The following BAIAP2L1 variants were observed in gnomAD, a reference collection of about 807,000 sequenced individuals.
BAIAP2L1 encodes the protein BAR/IMD domain containing adaptor protein 2 like 1.
Under a neutral mutation model 66.3 loss-of-function variants are expected in BAIAP2L1, and 35 were observed. The observed-to-expected ratio is 0.53, with a 90% CI of 0.40 to 0.70. BAIAP2L1 has a LOEUF of 0.70. Among genes scored for constraint, BAIAP2L1 ranks in the 30% least tolerant of loss-of-function variants. The pLI is 0.00. For missense variants in BAIAP2L1, 622 were observed against 656.9 expected (o/e 0.95, Z 0.58); for synonymous variants, 269 against 248.7 (o/e 1.08, Z -0.77).
chr7:98,391,512 G>A (rs946470738), intron 1 of BAIAP2L1, among the ~76,000 whole-genome samples: 5 of 151,674 alleles, frequency 3.3e-5, no homozygotes, highest in Admixed American at 6.6e-5. Context: ...GACAGAGACC[G>A]TCCTGGCTAA....
intron 3 of BAIAP2L1, among the ~76,000 whole-genome samples, chr7:98,347,700 G>A (rs917616863): frequency 2.0e-5 from 3 of 151,996 alleles, no homozygotes; most frequent in African/African-American, 4.8e-5. Flanking sequence ...GTGTGAACCC[G>A]GGAAGCGGAG....
At chr7:98,362,726 A>G (rs1383885211) in intron 1 of BAIAP2L1, among the ~76,000 whole-genome samples, 1 of 152,184 alleles carries the variant, frequency 6.6e-6, no homozygotes, top group Non-Finnish European at 1.5e-5. Flanking sequence ...CATACCCTGC[A>G]GGGACTGTAG....
chr7:98,389,672 C>T (rs1161158784), intron 1 of BAIAP2L1, among the ~76,000 whole-genome samples: 1 of 152,048 alleles, frequency 6.6e-6, no homozygotes, highest in Admixed American at 6.6e-5. Context: ...CACGCTTGTA[C>T]CTCTTCTTGT....
At chr7:98,351,955 C>G (rs762198715) in intron 3 of BAIAP2L1, among the ~76,000 whole-genome samples, 1 of 152,136 alleles carries the variant, frequency 6.6e-6, no homozygotes, top group Non-Finnish European at 1.5e-5. Context: ...GATAACACCC[C>G]TTCGAGTTTT....
rs117552485 is a variant in BAIAP2L1, at chr7:98,319,918, C to T, written c.348+140G>A. On this transcript the variant is annotated intron_variant, in intron 5 of 13. Coordinates refer to ENST00000005260, the MANE Select transcript of BAIAP2L1 (RefSeq NM_018842.5). ...CCCACACAGCCCAAAGAGAGCTTGT[C>T]GGTTTCATGCATCTGGGCATCATCA... 3.2e-4 allele frequency: 233 copies of T among 731,250 alleles called. No homozygotes were observed. The East Asian group carries it at 5.5e-3, about 17-fold the overall frequency. 45.3% of individuals were successfully genotyped at this position (731,250 alleles called of 1,614,324 possible). A position where few individuals can be genotyped will look rare whatever the true frequency, so the allele number is the denominator to read the frequency against.
intron 12 of BAIAP2L1, among the ~76,000 whole-genome samples, chr7:98,298,179 A>C (rs1274631270): frequency 6.6e-6 from 1 of 152,236 alleles, no homozygotes; most frequent in Non-Finnish European, 1.5e-5. Context: ...TCGTCTAATA[A>C]GACGCGCCGT....
At chr7:98,399,060 T>C (rs931646339) in intron 1 of BAIAP2L1, among the ~76,000 whole-genome samples, 1 of 152,204 alleles carries the variant, frequency 6.6e-6, no homozygotes, top group African/African-American at 2.4e-5. Context: ...AAGAACGTTT[T>C]ATTTACACAC....
At chr7:98,382,345 T>C (rs1321028108) in intron 1 of BAIAP2L1, among the ~76,000 whole-genome samples, 1 of 152,144 alleles carries the variant, frequency 6.6e-6, no homozygotes, top group East Asian at 1.9e-4. Flanking sequence ...TTTAACCTAG[T>C]TCAAGATTAG....
At chr7:98,367,579 A>G (rs1027705269) in intron 1 of BAIAP2L1, among the ~76,000 whole-genome samples, 3 of 125,970 alleles carry the variant, frequency 2.4e-5, no homozygotes, top group Non-Finnish European at 4.8e-5. Flanking sequence ...TCTGTCGCCC[A>G]GGCTAGAGTG....
intron 1 of BAIAP2L1, among the ~76,000 whole-genome samples, chr7:98,366,743 G>A (rs77503082): frequency 2.0e-4 from 30 of 152,306 alleles, no homozygotes; most frequent in East Asian, 9.6e-4. Flanking sequence ...GCACCTACGC[G>A]CAACCAGTGG....
rs974517647 is a variant in BAIAP2L1, at chr7:98,310,574, T to C, written c.826A>G (p.Thr276Ala). The C allele has an allele frequency of 3.8e-6, 6 of 1,589,600 alleles. No homozygotes were observed. The highest frequency in any genetic ancestry group is 5.1e-6 in the Non-Finnish European group (6 of 1,172,964). Residue 276 changes from threonine (T) to alanine (A), a missense_variant, in exon 9 of 14, where the codon ACC (threonine) becomes GCC (alanine). Transcript: ENST00000005260. ...ATCTTTGGTGAGCATTTAGAAAGGG[T>C]GTCGTAATCTTTCCTAACCTGTGAA... Reference protein sequence around the residue: ...RSNVVRKDYDTLSKCSPKMPP... With the variant: ...RSNVVRKDYDALSKCSPKMPP...
intron 3 of BAIAP2L1, among the ~76,000 whole-genome samples, chr7:98,335,176 AAAAT>A (rs1384237586): frequency 0.3 from 36,372 of 122,904 alleles, 7,059 homozygotes; most frequent in Middle Eastern, 0.41. Flanking sequence ...AAAAAAAAAA[AAAAT>A]TTATCTCCCA....
intron 2 of BAIAP2L1, among the ~76,000 whole-genome samples, chr7:98,357,042 TA>T (rs1802148077): frequency 6.5e-5 from 1 of 15,290 alleles, no homozygotes; most frequent in South Asian, 3.9e-3. Flanking sequence ...TATATATATA[TA>T]TATATATTTT....
At chr7:98,295,833 C>T (rs754725048) in intron 12 of BAIAP2L1, among the ~76,000 whole-genome samples, 4 of 152,160 alleles carry the variant, frequency 2.6e-5, no homozygotes, top group Admixed American at 6.5e-5. Context: ...CCCAGTAAAT[C>T]CTCACAAAGA....
chr7:98,311,483 G>A (rs547721003), intron 8 of BAIAP2L1, among the ~76,000 whole-genome samples: 6 of 152,024 alleles, frequency 3.9e-5, no homozygotes, highest in African/African-American at 1.4e-4. Context: ...GGAGCCTACA[G>A]TGAGCCGAGA....
chr7:98,313,064 G>A (rs1169211410), intron 7 of BAIAP2L1, among the ~76,000 whole-genome samples: 1 of 151,510 alleles, frequency 6.6e-6, no homozygotes, highest in African/African-American at 2.4e-5. Context: ...AGTGGTGGGG[G>A]GCTGATGTCA....
chr7:98,319,913 CT>C, intron 5 of BAIAP2L1, 144 bp downstream of exon 5: 1 of 723,448 alleles, frequency 1.4e-6, no homozygotes, highest in Non-Finnish European at 2.4e-6. Flanking sequence ...CCAAAGAGAG[CT>C]TGTCGGTTTC....
At chr7:98,388,342 G>A (rs946885579) in intron 1 of BAIAP2L1, among the ~76,000 whole-genome samples, 1 of 152,202 alleles carries the variant, frequency 6.6e-6, no homozygotes, top group African/African-American at 2.4e-5. Flanking sequence ...GGGCATAAGA[G>A]TAAGACTGAG....
At chr7:98,310,722 T>C in intron 8 of BAIAP2L1, 130 bp from the exon 9 acceptor site, 1 of 736,296 alleles carries the variant, frequency 1.4e-6, no homozygotes, top group East Asian at 3.4e-5. Context: ...AGTCTCGCTG[T>C]GTTGCCCAGG....
Sources: allele counts gnomAD v4.1 joint callset (sites outside exome capture counted in the v4.1 genomes callset), GRCh38; gene constraint gnomAD v4.1.1; transcripts MANE v1.5; gene names NCBI Gene and HGNC (gene_info 2026-07-23, HGNC 2026-07-21).